The following MRNIP variants were observed in gnomAD, a reference collection of about 807,000 sequenced individuals.
MRNIP encodes MRN complex-interacting protein.
In MRNIP, 30 loss-of-function variants were observed where a neutral mutation model predicts 29.8. That is an observed-to-expected ratio of 1.01 (90% CI 0.75 to 1.36). The LOEUF (loss-of-function observed/expected upper bound fraction) is 1.36, where lower values mean the gene tolerates loss of function less well. MRNIP is among the 40% of genes most tolerant of loss of function. MRNIP has a pLI of 0.00. For missense variants in MRNIP, 459 were observed against 423.5 expected (o/e 1.08, Z -0.74); for synonymous variants, 201 against 164.1 (o/e 1.23, Z -1.72).
Position 179,837,370 on chromosome 5 carries a change from T to A in MRNIP, c.*21A>T. 1 of 1,581,650 alleles carries A rather than the reference T, an allele frequency of 6.3e-7. No homozygotes were observed. The highest frequency in any genetic ancestry group is 8.6e-7 in the Non-Finnish European group (1 of 1,162,876). Reference sequence around the variant, plus strand: ...TCCCTCCTAACAAGTGTATCTCGATTAATAACCTGCCAGTCCCAGATCACA... The same window carrying A: ...TCCCTCCTAACAAGTGTATCTCGATAAATAACCTGCCAGTCCCAGATCACA... On this transcript the variant is annotated 3_prime_UTR_variant, in exon 7 of 7. Coordinates refer to ENST00000292586, the MANE Select transcript of MRNIP (RefSeq NM_016175.4).
chr5:179,853,196 C>A (rs568641724), intron 2 of MRNIP, 182 bp downstream of exon 2: 2 of 1,523,046 alleles, frequency 1.3e-6, no homozygotes, highest in Admixed American at 2.0e-5. Flanking sequence ...AATGGCAGTA[C>A]CTTTCCAGAT....
rs751473908 is a variant in MRNIP at position 179,837,495 on chromosome 5, G to GAGTCC, written c.923_927dup (p.Pro310GlyfsTer27). 50 of 1,614,068 alleles carry GAGTCC rather than the reference G, an allele frequency of 3.1e-5. No individual in the cohort carries two copies. Among genetic ancestry groups the GAGTCC allele is most frequent in the Non-Finnish European group, 3.9e-5 (46 of 1,180,016 alleles). On this transcript the variant is annotated frameshift_variant, in exon 7 of 7. Coordinates refer to ENST00000292586, the MANE Select transcript of MRNIP (RefSeq NM_016175.4). LOFTEE classifies it low-confidence loss of function (END_TRUNC). Reference sequence around the variant, plus strand: ...ACCAGGGGCCCACCCTCTGCCCAGGGAGTCCTTGCGTCCCATGAGGTCTTC... The same window carrying GAGTCC: ...ACCAGGGGCCCACCCTCTGCCCAGGGAGTCCAGTCCTTGCGTCCCATGAGGTCTTC...
At position 179,840,924 on chromosome 5, in the gene MRNIP, C is replaced by G. The variant is rs1404926429; in HGVS notation, c.485G>C (p.Ser162Thr). ...GCCACCCGAGTCCTGCACGCCACGG[C>G]TGCACGGAGGCTGGACGGTGCTCCT... Reference protein sequence around the residue: ...WSRSTVQPPCSRGVQDSGGSE... With the variant: ...WSRSTVQPPCTRGVQDSGGSE... The change falls in exon 6 of 7, where the codon AGC becomes ACC. Residue 162 changes from serine to threonine, a missense_variant. Coordinates refer to ENST00000292586, the MANE Select transcript of MRNIP (RefSeq NM_016175.4). 1 of 1,611,304 alleles carries G rather than the reference C, an allele frequency of 6.2e-7. No homozygotes were observed. Among genetic ancestry groups the G allele is most frequent in the Non-Finnish European group, 8.5e-7 (1 of 1,178,974 alleles).
At chr5:179,851,222 C>T (rs1759352894) in intron 2 of MRNIP, 2 of 455,418 alleles carry the variant, frequency 4.4e-6, no homozygotes, top group South Asian at 1.5e-5. Flanking sequence ...GCCATGCTCA[C>T]CATGTGGGGT....
In MRNIP at chr5:179,842,012, G is replaced by C. The variant is rs766755444; in HGVS notation, c.344C>G (p.Ser115Cys). Residue 115 changes from serine to cysteine, a missense_variant, in exon 5 of 7, where the codon TCC (serine) becomes TGC (cysteine). Physicochemically the swap from Ser to Cys is moderately radical, Grantham distance 112. Coordinates refer to ENST00000292586, the MANE Select transcript of MRNIP (RefSeq NM_016175.4). ...SRWLKYLEKD[S>C]QELELEGTGV... ...TGTTCCTTCCAGCTCCAGTTCTTGGGAGTCCTTTTCTAGATACTTCAGCCA... is the reference window on the plus strand; with the variant it reads ...TGTTCCTTCCAGCTCCAGTTCTTGGCAGTCCTTTTCTAGATACTTCAGCCA... The C allele has an allele frequency of 3.7e-5, 59 of 1,614,100 alleles. No individual in the cohort carries two copies. The South Asian group carries it at 6.3e-4, about 17-fold the overall frequency.
At chr5:179,852,449 G>T (rs556002018) in intron 2 of MRNIP, among the ~76,000 whole-genome samples, 11 of 152,296 alleles carry the variant, frequency 7.2e-5, no homozygotes, top group African/African-American at 2.4e-4. Context: ...GCCCAACAAG[G>T]TTGGGCCAGT....
chr5:179,840,716 G>A, intron 6 of MRNIP, 156 bp downstream of exon 6: 1 of 652,004 alleles, frequency 1.5e-6, no homozygotes, highest in Non-Finnish European at 2.8e-6. Context: ...CCCGAGGAAG[G>A]AGTTGGCTTC....
chr5:179,848,179 G>T, intron 2 of MRNIP, 113 bp from the exon 3 acceptor site: 4 of 784,002 alleles, frequency 5.1e-6, no homozygotes, highest in Non-Finnish European at 9.0e-6. Flanking sequence ...AAGGCCCAAA[G>T]ACCCCTAAAG....
At chr5:179,848,206 T>C (rs2113558287) in intron 2 of MRNIP, 140 bp from the exon 3 acceptor site, 1 of 680,392 alleles carries the variant, frequency 1.5e-6, no homozygotes, top group Non-Finnish European at 2.7e-6. Context: ...GCAGGAATCC[T>C]AATGACTGAC....
At chr5:179,858,662 A>G (rs1479613868) in intron 1 of MRNIP, 69 bp downstream of exon 1, 14 of 1,064,012 alleles carry the variant, frequency 1.3e-5, no homozygotes, top group Non-Finnish European at 1.9e-5. Context: ...GACAACACCC[A>G]CAGCCCCGCC....
At chr5:179,850,780 T>C (rs1463290837) in intron 2 of MRNIP, among the ~76,000 whole-genome samples, 2 of 152,206 alleles carry the variant, frequency 1.3e-5, no homozygotes, top group Admixed American at 1.3e-4. Flanking sequence ...CTAGATGTCA[T>C]TTTCCAGTGT....
At chr5:179,847,916 TC>T in intron 3 of MRNIP, 61 bp downstream of exon 3, 1 of 1,117,406 alleles carries the variant, frequency 8.9e-7, no homozygotes, top group South Asian at 1.4e-5. Flanking sequence ...ACTGTGTACT[TC>T]TATTATCCAG....
intron 1 of MRNIP, among the ~76,000 whole-genome samples, chr5:179,858,026 A>G (rs978187255): frequency 1.3e-4 from 8 of 60,062 alleles, no homozygotes; most frequent in Non-Finnish European, 3.3e-4. Flanking sequence ...AAAAAAAAAA[A>G]AGAAGAAGAA....
At chr5:179,842,716 A>AG in intron 4 of MRNIP, among the ~76,000 whole-genome samples, 1 of 143,178 alleles carries the variant, frequency 7.0e-6, no homozygotes, top group East Asian at 2.1e-4. Flanking sequence ...AAAAAAAAAA[A>AG]AAAAAAAAAA....
Position 179,858,252 on chromosome 5 carries a change from G to A in MRNIP, c.66+479C>T, listed in dbSNP as rs1373599113. Among the ~76,000 whole-genome samples, 4 of 152,162 alleles carry A rather than the reference G, an allele frequency of 2.6e-5. No homozygotes were observed. In the East Asian group the frequency reaches 5.8e-4, roughly 22 times the overall value. On this transcript the variant is annotated intron_variant, in intron 1 of 6. Transcript: ENST00000292586. ...ACAGATTATCTGTCTTTAAGACTCCGGGGCCCGTGGTTTATGCGTCGGCGA... is the reference window on the plus strand; with the variant it reads ...ACAGATTATCTGTCTTTAAGACTCCAGGGCCCGTGGTTTATGCGTCGGCGA...
intron 6 of MRNIP, 120 bp from the exon 7 acceptor site, chr5:179,838,005 G>C: frequency 2.1e-6 from 2 of 938,896 alleles, no homozygotes; most frequent in Non-Finnish European, 3.1e-6. Flanking sequence ...GCTGGAAGCT[G>C]TCAGGCTGGG....
chr5:179,852,427 A>G (rs1759412769), intron 2 of MRNIP, among the ~76,000 whole-genome samples: 1 of 152,246 alleles, frequency 6.6e-6, no homozygotes. Context: ...CAAAAGGGAA[A>G]TCAACCTAAA....
At chr5:179,839,311 A>C (rs867302247) in intron 6 of MRNIP, 2 of 152,160 alleles carry the variant, frequency 1.3e-5, no homozygotes, top group South Asian at 4.2e-4. Context: ...AGCAATGTGA[A>C]AGCAGCGATA....
rs199887787 is a variant in MRNIP, at chr5:179,837,704, G to C, written c.719C>G (p.Ser240Ter). The stretch of plus-strand genomic sequence containing the variant: ...CCTTGGCTGCTCACTGTCCACATGT[G>C]AACTTTTTCTAGGTGGCAGGACAAA... ...AQFVLPPRKS[S>*]HVDSEQPRSL... The change falls in exon 7 of 7, where the codon TCA becomes TGA. Residue 240 changes from serine to a stop codon, truncating the protein, a stop_gained. Transcript: ENST00000292586. LOFTEE classifies it low-confidence loss of function (END_TRUNC). 7.9e-4 allele frequency: 1,275 copies of C among 1,614,256 alleles called. 19 individuals are homozygous for C. The South Asian group carries it at 0.013, about 17-fold the overall frequency.
Sources: allele counts gnomAD v4.1 joint callset (sites outside exome capture counted in the v4.1 genomes callset), GRCh38; gene constraint gnomAD v4.1.1; transcripts MANE v1.5; gene names NCBI Gene and HGNC (gene_info 2026-07-23, HGNC 2026-07-21).